The following MCHR2 variants were observed in gnomAD, a reference collection of about 807,000 sequenced individuals.
MCHR2 encodes melanin-concentrating hormone receptor 2.
A neutral mutation model predicts 24.8 loss-of-function variants in MCHR2; 15 were observed. That is an observed-to-expected ratio of 0.60 (90% CI 0.40 to 0.93). The LOEUF is 0.93. MCHR2 is among the 40% of genes least tolerant of loss of function. The pLI is 0.00. For missense variants in MCHR2, 386 were observed against 408.7 expected (o/e 0.94, Z 0.48); for synonymous variants, 151 against 147.6 (o/e 1.02, Z -0.17).
At chr6:99,973,344 T>C (rs896757770) in intron 1 of MCHR2, among the ~76,000 whole-genome samples, 1 of 152,068 alleles carries the variant, frequency 6.6e-6, no homozygotes, top group African/African-American at 2.4e-5. Context: ...TTTTGATCTT[T>C]GTTGGTTTAA....
chr6:99,993,823 G>A (rs899559833), intron 1 of MCHR2, 113 bp downstream of exon 1: 3 of 152,064 alleles, frequency 2.0e-5, no homozygotes, highest in Non-Finnish European at 4.4e-5. Context: ...CCAGCCCCGG[G>A]GAGGGGCGAC....
At chr6:99,922,436 C>T (rs1042073364) in intron 5 of MCHR2, among the ~76,000 whole-genome samples, 2 of 152,172 alleles carry the variant, frequency 1.3e-5, no homozygotes, top group South Asian at 2.1e-4. Context: ...TTTGGTTGCC[C>T]GTGCCTGTGG....
intron 4 of MCHR2, among the ~76,000 whole-genome samples, chr6:99,936,118 G>A (rs193282982): frequency 0.011 from 1,656 of 152,016 alleles, 16 homozygotes; most frequent in Middle Eastern, 0.037. Context: ...CAGATGGATG[G>A]TTTGCAAATA....
intron 3 of MCHR2, among the ~76,000 whole-genome samples, chr6:99,945,951 T>G (rs985464818): frequency 5.9e-5 from 9 of 152,046 alleles, no homozygotes; most frequent in Non-Finnish European, 4.4e-5. Context: ...ACACAGTTTG[T>G]CTCTTCCAAG....
intron 3 of MCHR2, among the ~76,000 whole-genome samples, chr6:99,944,972 T>C (rs997889640): frequency 6.6e-6 from 1 of 152,172 alleles, no homozygotes; most frequent in Non-Finnish European, 1.5e-5. Flanking sequence ...CCTCTGCTTC[T>C]TCTTGCTCTT....
At chr6:99,963,330 A>AAACCCT (rs1338041085) in intron 1 of MCHR2, among the ~76,000 whole-genome samples, 3 of 152,120 alleles carry the variant, frequency 2.0e-5, no homozygotes, top group African/African-American at 7.2e-5. Context: ...TTCTGCCATA[A>AAACCCT]AATTAAGGGA....
chr6:99,921,191 CCACCAG>C lies in MCHR2; in HGVS notation c.766_771del (p.Leu256_Val257del). 1 of 1,614,114 alleles carries C rather than the reference CCACCAG, an allele frequency of 6.2e-7. No homozygotes were observed. Among genetic ancestry groups the C allele is most frequent in the Non-Finnish European group, 8.5e-7 (1 of 1,180,012 alleles). The stretch of plus-strand genomic sequence containing the variant: ...GGGGCAGCACTCAGGATAAAGACTA[CCACCAG>C]CACCAGCACCATCTTTGTCAACTTC... On this transcript the variant is annotated inframe_deletion, in exon 6 of 6. Transcript: ENST00000281806.
At chr6:99,931,784 G>A (rs566129103) in intron 5 of MCHR2, among the ~76,000 whole-genome samples, 14 of 152,242 alleles carry the variant, frequency 9.2e-5, no homozygotes, top group South Asian at 2.1e-4. Flanking sequence ...GACCCCTTGC[G>A]CTTCCCAAGT....
chr6:99,975,049 G>A (rs571981129), intron 1 of MCHR2, among the ~76,000 whole-genome samples: 379 of 152,350 alleles, frequency 2.5e-3, no homozygotes, highest in Non-Finnish European at 4.1e-3. Context: ...CAGTCTGCCC[G>A]TTCTCAGATC....
chr6:99,971,369 A>G (rs989831514), intron 1 of MCHR2, among the ~76,000 whole-genome samples: 1 of 151,358 alleles, frequency 6.6e-6, no homozygotes. Context: ...TTTGTCTGTT[A>G]TTGGTGTATA....
chr6:99,970,440 C>A (rs1775384988), intron 1 of MCHR2, among the ~76,000 whole-genome samples: 1 of 151,942 alleles, frequency 6.6e-6, no homozygotes, highest in South Asian at 2.1e-4. Context: ...GTTTTGAGTT[C>A]ATTGTAGATT....
intron 1 of MCHR2, among the ~76,000 whole-genome samples, chr6:99,984,521 A>G (rs1460857625): frequency 1.3e-5 from 2 of 151,584 alleles, no homozygotes; most frequent in Admixed American, 6.6e-5. Flanking sequence ...TTCTTTAGAT[A>G]ACATCTTTTA....
chr6:99,981,830 G>C (rs1375137197), intron 1 of MCHR2, among the ~76,000 whole-genome samples: 2 of 152,082 alleles, frequency 1.3e-5, no homozygotes, highest in African/African-American at 4.8e-5. Context: ...ATTAATTCCA[G>C]CTCTGTGAGT....
At chr6:99,951,426 G>T (rs1015412130) in intron 2 of MCHR2, among the ~76,000 whole-genome samples, 6 of 152,042 alleles carry the variant, frequency 3.9e-5, no homozygotes, top group African/African-American at 1.2e-4. Flanking sequence ...TCCTATATTT[G>T]CCAACCCTTC....
At chr6:99,942,887 A>G in intron 4 of MCHR2, 62 bp downstream of exon 4, 2 of 1,406,010 alleles carry the variant, frequency 1.4e-6, no homozygotes, top group Admixed American at 1.9e-5. Context: ...ACATGTTGAC[A>G]AGGAGAATGA....
chr6:99,966,788 T>TTTTAAAGAATCTTTTG (rs1226857833), intron 1 of MCHR2, among the ~76,000 whole-genome samples: 1 of 152,208 alleles, frequency 6.6e-6, no homozygotes, highest in Non-Finnish European at 1.5e-5. Context: ...CAAAGGGTTA[T>TTTTAAAGAATCTTTTG]TTTAAAGAAT....
At position 99,919,381 on chromosome 6, in the gene MCHR2, T is replaced by C. The variant is rs1016753367; in HGVS notation, c.*1559A>G. ...CAAATACAAGTTTATCCAAACACAATTGAAATATAAAAATGGAGATCAGAT... is the reference window on the plus strand; with the variant it reads ...CAAATACAAGTTTATCCAAACACAACTGAAATATAAAAATGGAGATCAGAT... On this transcript the variant is annotated 3_prime_UTR_variant, in exon 6 of 6. Coordinates refer to ENST00000281806, the MANE Select transcript of MCHR2 (RefSeq NM_001040179.2). Among the ~76,000 whole-genome samples the C allele has an allele frequency of 8.5e-5, 13 of 152,294 alleles. 1 individual carries two copies. In the East Asian group the frequency reaches 2.3e-3, roughly 27 times the overall value.
intron 1 of MCHR2, among the ~76,000 whole-genome samples, chr6:99,992,664 C>T (rs1157164178): frequency 6.6e-6 from 1 of 152,128 alleles, no homozygotes; most frequent in African/African-American, 2.4e-5. Flanking sequence ...TACTTTATTC[C>T]CCAGGCTTGA....
intron 1 of MCHR2, among the ~76,000 whole-genome samples, chr6:99,991,434 CCTGT>C (rs1775872353): frequency 6.6e-6 from 1 of 152,156 alleles, no homozygotes. Context: ...TAGTCACCAA[CCTGT>C]CTGAGCCTCA....
Sources: allele counts gnomAD v4.1 joint callset (sites outside exome capture counted in the v4.1 genomes callset), GRCh38; gene constraint gnomAD v4.1.1; transcripts MANE v1.5; gene names NCBI Gene and HGNC (gene_info 2026-07-23, HGNC 2026-07-21).